CTNND2: variants seen among roughly 807,000 people sequenced by gnomAD.
CTNND2 encodes the protein catenin delta-2.
Under a neutral mutation model 144.4 loss-of-function variants are expected in CTNND2, and 22 were observed. That is an observed-to-expected ratio of 0.15 (90% confidence interval 0.11 to 0.22). CTNND2 has a LOEUF of 0.22. CTNND2 is among the 10% of genes least tolerant of loss of function. The pLI is 1.00. For missense variants in CTNND2, 1,353 were observed against 1,618.8 expected (o/e 0.84, Z 2.82); for synonymous variants, 751 against 695.6 (o/e 1.08, Z -1.25).
intron 1 of CTNND2, among the ~76,000 whole-genome samples, chr5:11,888,612 T>C (rs1246407310): frequency 6.6e-6 from 1 of 152,120 alleles, no homozygotes; most frequent in Non-Finnish European, 1.5e-5. Flanking sequence ...TTGAGGAGAG[T>C]GAAAATAATT....
chr5:11,217,878 G>T (rs1311626189), intron 10 of CTNND2, among the ~76,000 whole-genome samples: 1 of 152,050 alleles, frequency 6.6e-6, no homozygotes, highest in Non-Finnish European at 1.5e-5. Context: ...TTGCTATTTG[G>T]GTAAAGCAGT....
intron 2 of CTNND2, among the ~76,000 whole-genome samples, chr5:11,603,909 A>G (rs957301957): frequency 6.6e-5 from 10 of 152,136 alleles, no homozygotes; most frequent in Admixed American, 6.6e-4. Context: ...CAAAAGCTCA[A>G]TTTTATCTCT....
intron 3 of CTNND2, 144 bp from the exon 4 acceptor site, chr5:11,412,213 C>T (rs1761601623): frequency 1.6e-6 from 1 of 632,342 alleles, no homozygotes. Flanking sequence ...AAAGGGATTC[C>T]ACTTTGATAT....
intron 1 of CTNND2, among the ~76,000 whole-genome samples, chr5:11,813,445 T>A (rs896646339): frequency 2.6e-5 from 4 of 152,164 alleles, no homozygotes; most frequent in Non-Finnish European, 4.4e-5. Flanking sequence ...TCTGTTCATT[T>A]TTTTTCATTT....
chr5:11,363,159 G>GA (rs1005093823), intron 8 of CTNND2, among the ~76,000 whole-genome samples: 44 of 152,006 alleles, frequency 2.9e-4, no homozygotes, highest in Non-Finnish European at 4.4e-4. Flanking sequence ...TGCAGACTCA[G>GA]AAAAAACACT....
At chr5:11,678,476 T>C (rs990505188) in intron 2 of CTNND2, among the ~76,000 whole-genome samples, 5 of 152,168 alleles carry the variant, frequency 3.3e-5, no homozygotes, top group African/African-American at 7.2e-5. Flanking sequence ...ATGCTGACGA[T>C]GGAGTCTTTG....
intron 10 of CTNND2, among the ~76,000 whole-genome samples, chr5:11,220,706 C>T (rs1481042851): frequency 6.6e-6 from 1 of 152,128 alleles, no homozygotes; most frequent in African/African-American, 2.4e-5. Context: ...GCTCTTTGCC[C>T]GTCTCCATAA....
At position 11,385,090 on chromosome 5, in the gene CTNND2, G is replaced by A; in HGVS notation, c.752C>T (p.Ala251Val). Reference protein sequence around the residue: ...PDAPPAAAAAALYYSSSTLPA... With the variant: ...PDAPPAAAAAVLYYSSSTLPA... Reference sequence around the variant, plus strand: ...CAGCGTGGAGCTGGAGTAGTAGAGCGCGGCGGCGGCGGCGGCGGGCGGCGC... The same window carrying A: ...CAGCGTGGAGCTGGAGTAGTAGAGCACGGCGGCGGCGGCGGCGGGCGGCGC... Residue 251 changes from alanine (A) to valine (V), a missense_variant, in exon 7 of 22, where the codon GCG becomes GTG. By Grantham distance (64) the Ala-to-Val change is moderately conservative. Around this residue, in one of 4 missense-constraint regions of CTNND2, gnomAD observed 708 missense variants for 706.4 expected, o/e 1.00. Coordinates refer to ENST00000304623, the MANE Select transcript of CTNND2 (RefSeq NM_001332.4). 1.0e-6 allele frequency: 1 copy of A among 980,844 alleles called. No individual in the cohort carries two copies. Among genetic ancestry groups the A allele is most frequent in the Non-Finnish European group, 1.2e-6 (1 of 823,492 alleles). 60.8% of individuals were successfully genotyped at this position (980,844 alleles called of 1,614,324 possible). A position where few individuals can be genotyped will look rare whatever the true frequency, so the allele number is the denominator to read the frequency against.
At chr5:11,828,643 GCCT>G (rs1468881837) in intron 1 of CTNND2, among the ~76,000 whole-genome samples, 1 of 152,174 alleles carries the variant, frequency 6.6e-6, no homozygotes, top group Non-Finnish European at 1.5e-5. Context: ...TGATTGTGAG[GCCT>G]CCCCAGCCAC....
At chr5:11,200,546 G>A (rs1309081918) in intron 10 of CTNND2, among the ~76,000 whole-genome samples, 4 of 152,264 alleles carry the variant, frequency 2.6e-5, no homozygotes, top group South Asian at 2.1e-4. Context: ...ATGCTTCACC[G>A]TTCTTCAGGG....
chr5:11,520,492 C>T (rs10054369), intron 3 of CTNND2, among the ~76,000 whole-genome samples: 14,637 of 152,274 alleles, frequency 0.096, 868 homozygotes, highest in African/African-American at 0.17. Flanking sequence ...AGGTGCGTAC[C>T]AGGCCTAAAG....
At chr5:11,782,810 T>C (rs931416203) in intron 1 of CTNND2, among the ~76,000 whole-genome samples, 1 of 152,232 alleles carries the variant, frequency 6.6e-6, no homozygotes, top group Non-Finnish European at 1.5e-5. Flanking sequence ...TTCTTTTACA[T>C]GCTTATAATC....
chr5:10,984,845 G>A (rs903257002), intron 20 of CTNND2, among the ~76,000 whole-genome samples: 3 of 152,002 alleles, frequency 2.0e-5, no homozygotes, highest in African/African-American at 4.8e-5. Flanking sequence ...AGGATGAGGC[G>A]GGAAGATCAC....
chr5:11,792,296 TAC>T (rs10597014), intron 1 of CTNND2, among the ~76,000 whole-genome samples: 148,723 of 152,054 alleles, frequency 0.98, 72,812 homozygotes, highest in South Asian at 1. Flanking sequence ...TTCTTTAAAA[TAC>T]ACACACACAC....
chr5:11,882,233 C>A (rs1180272943), intron 1 of CTNND2, among the ~76,000 whole-genome samples: 1 of 151,930 alleles, frequency 6.6e-6, no homozygotes, highest in Non-Finnish European at 1.5e-5. Context: ...TTGATATGAT[C>A]CCATTTATGT....
chr5:11,730,108 A>G (rs571101476), intron 2 of CTNND2, among the ~76,000 whole-genome samples: 80 of 152,044 alleles, frequency 5.3e-4, no homozygotes, highest in Non-Finnish European at 7.5e-4. Flanking sequence ...TTTCTCTTGG[A>G]CTATTTTTCT....
intron 12 of CTNND2, among the ~76,000 whole-genome samples, chr5:11,127,215 T>A (rs903526025): frequency 6.6e-6 from 1 of 152,222 alleles, no homozygotes; most frequent in African/African-American, 2.4e-5. Flanking sequence ...CAAGGGCAAA[T>A]CTTGTTAATG....
At chr5:11,041,778 T>C (rs777948692) in intron 16 of CTNND2, among the ~76,000 whole-genome samples, 2 of 152,206 alleles carry the variant, frequency 1.3e-5, no homozygotes, top group Non-Finnish European at 1.5e-5. Flanking sequence ...ATTTATCCTG[T>C]TGCAGTTGTT....
intron 9 of CTNND2, among the ~76,000 whole-genome samples, chr5:11,242,388 T>A (rs1463811702): frequency 2.0e-5 from 3 of 152,232 alleles, no homozygotes; most frequent in Non-Finnish European, 4.4e-5. Context: ...AATATAGCCA[T>A]AAAACTATGT....
Sources: allele counts gnomAD v4.1 joint callset (sites outside exome capture counted in the v4.1 genomes callset), GRCh38; gene constraint gnomAD v4.1.1; regional missense constraint gnomAD v4.1.1; transcripts MANE v1.5; gene names NCBI Gene and HGNC (gene_info 2026-07-23, HGNC 2026-07-21).